The following GALNT13 variants were observed in gnomAD, a reference collection of about 807,000 sequenced individuals.
GALNT13 encodes the protein polypeptide N-acetylgalactosaminyltransferase 13, also known as UDP-GalNAc:polypeptide N-acetylgalactosaminyltransferase 13.
GALNT13 carries 28 observed loss-of-function variants against 64.2 expected under a neutral mutation model. The ratio of observed to expected loss-of-function variants is 0.44; its 90% CI spans 0.32 to 0.60. The LOEUF (loss-of-function observed/expected upper bound fraction) is 0.60, where lower values mean the gene tolerates loss of function less well. Among genes scored for constraint, GALNT13 ranks in the 20% least tolerant of loss-of-function variants. GALNT13 has a pLI of 0.05. For synonymous variants in GALNT13, 214 were observed against 224.6 expected (o/e 0.95, Z 0.42); for missense variants, 577 against 669.8 (o/e 0.86, Z 1.53).
the GALNT13 span, among the ~76,000 whole-genome samples, chr2:153,828,576 G>C: frequency 6.6e-6 from 1 of 152,184 alleles, no homozygotes; most frequent in Non-Finnish European, 1.5e-5. Flanking sequence ...ACAGCATGGA[G>C]ACCTTGAACC....
At chr2:154,150,886 G>A (rs1383564640) in intron 4 of GALNT13, among the ~76,000 whole-genome samples, 2 of 152,022 alleles carry the variant, frequency 1.3e-5, no homozygotes, top group Non-Finnish European at 2.9e-5. Context: ...ACCAGCTCCT[G>A]GATTCATTAA....
At chr2:153,962,987 A>C (rs1442079716) in intron 3 of GALNT13, among the ~76,000 whole-genome samples, 1 of 152,146 alleles carries the variant, frequency 6.6e-6, no homozygotes, top group African/African-American at 2.4e-5. Context: ...TCTTTGTTTC[A>C]TGCTGCTATA....
At chr2:153,175,080 A>G in the GALNT13 span, among the ~76,000 whole-genome samples, 1 of 152,176 alleles carries the variant, frequency 6.6e-6, no homozygotes, top group Non-Finnish European at 1.5e-5. Flanking sequence ...CTATATAAAA[A>G]CATTCCCCTT....
At chr2:154,304,343 T>G (rs1693616475) in intron 9 of GALNT13, among the ~76,000 whole-genome samples, 1 of 152,220 alleles carries the variant, frequency 6.6e-6, no homozygotes, top group Non-Finnish European at 1.5e-5. Flanking sequence ...GGCAGTGACA[T>G]TTATATAACC....
the GALNT13 span, among the ~76,000 whole-genome samples, chr2:153,256,996 G>A: frequency 1.2e-4 from 18 of 152,326 alleles, no homozygotes; most frequent in African/African-American, 4.1e-4. Flanking sequence ...CGAGCTTCCC[G>A]GCTACTTTGT....
At chr2:153,125,983 G>A in the GALNT13 span, among the ~76,000 whole-genome samples, 3 of 151,974 alleles carry the variant, frequency 2.0e-5, no homozygotes, top group South Asian at 2.1e-4. Flanking sequence ...TATGAAGTTC[G>A]AATGAATGCA....
At chr2:153,278,730 A>C in the GALNT13 span, among the ~76,000 whole-genome samples, 13 of 152,168 alleles carry the variant, frequency 8.5e-5, no homozygotes, top group African/African-American at 3.1e-4. Flanking sequence ...TTTGTACAAC[A>C]AAGTATCATG....
At chr2:153,464,634 T>C in the GALNT13 span, among the ~76,000 whole-genome samples, 1 of 152,070 alleles carries the variant, frequency 6.6e-6, no homozygotes, top group East Asian at 1.9e-4. Context: ...GATATCAAGA[T>C]GACAATGCTG....
intron 7 of GALNT13, among the ~76,000 whole-genome samples, chr2:154,249,730 AAG>A (rs1228614976): frequency 1.3e-5 from 2 of 152,138 alleles, no homozygotes; most frequent in African/African-American, 4.8e-5. Context: ...AGTAAAACAA[AAG>A]AGTTTTAGAT....
At chr2:154,318,473 C>T (rs773655451) in intron 9 of GALNT13, among the ~76,000 whole-genome samples, 1 of 152,240 alleles carries the variant, frequency 6.6e-6, no homozygotes, top group South Asian at 2.1e-4. Context: ...CGCCTGTAAT[C>T]CCAGCACTTT....
the GALNT13 span, among the ~76,000 whole-genome samples, chr2:153,490,157 G>A: frequency 6.6e-6 from 1 of 152,132 alleles, no homozygotes; most frequent in African/African-American, 2.4e-5. Context: ...CGGTTCTTGT[G>A]ACAGGAATAT....
intron 4 of GALNT13, among the ~76,000 whole-genome samples, chr2:154,202,288 A>G (rs1293599534): frequency 6.6e-6 from 1 of 152,076 alleles, no homozygotes; most frequent in Non-Finnish European, 1.5e-5. Flanking sequence ...TAGATTTTGA[A>G]AGATATATGT....
the GALNT13 span, among the ~76,000 whole-genome samples, chr2:153,081,495 C>T: frequency 6.6e-6 from 1 of 152,002 alleles, no homozygotes; most frequent in Non-Finnish European, 1.5e-5. Context: ...ATTGACTATC[C>T]CCATATCCCC....
chr2:154,178,214 G>A (rs1685761678), intron 4 of GALNT13, among the ~76,000 whole-genome samples: 1 of 152,120 alleles, frequency 6.6e-6, no homozygotes, highest in African/African-American at 2.4e-5. Context: ...ACACTGGCTG[G>A]AAGAGGGTAC....
chr2:153,781,698 T>G, the GALNT13 span, among the ~76,000 whole-genome samples: 3 of 151,910 alleles, frequency 2.0e-5, no homozygotes, highest in African/African-American at 7.2e-5. Flanking sequence ...GTCTTTGAGT[T>G]TAAAAAAAAA....
At chr2:153,609,391 A>G in the GALNT13 span, among the ~76,000 whole-genome samples, 1 of 152,180 alleles carries the variant, frequency 6.6e-6, no homozygotes, top group East Asian at 1.9e-4. Context: ...TTCTGACAAT[A>G]TCTGACAACA....
the GALNT13 span, among the ~76,000 whole-genome samples, chr2:153,290,423 C>T: frequency 2.0e-5 from 3 of 152,146 alleles, no homozygotes; most frequent in African/African-American, 4.8e-5. Flanking sequence ...ATTTACTCTC[C>T]GAAAGTTATT....
At chr2:153,131,347 C>T in the GALNT13 span, among the ~76,000 whole-genome samples, 1 of 152,212 alleles carries the variant, frequency 6.6e-6, no homozygotes, top group Non-Finnish European at 1.5e-5. Context: ...CTAACGGAAG[C>T]TCAACAAGCA....
the GALNT13 span, among the ~76,000 whole-genome samples, chr2:153,496,641 T>C: frequency 6.6e-6 from 1 of 152,208 alleles, no homozygotes; most frequent in Non-Finnish European, 1.5e-5. Context: ...CTGTTATTTC[T>C]TCTACTGCTT....
Sources: allele counts gnomAD v4.1 joint callset (sites outside exome capture counted in the v4.1 genomes callset), GRCh38; gene constraint gnomAD v4.1.1; transcripts MANE v1.5; gene names NCBI Gene and HGNC (gene_info 2026-07-23, HGNC 2026-07-21).